Variants in ARHGAP39 observed in about 807,000 individuals in gnomAD.
The protein encoded by ARHGAP39 is Rho GTPase activating protein 39.
Under a neutral mutation model 106.9 loss-of-function variants are expected in ARHGAP39, and 44 were observed. The ratio of observed to expected loss-of-function variants is 0.41; its 90% CI spans 0.32 to 0.53. The LOEUF is 0.53. ARHGAP39 is among the 20% of genes least tolerant of loss of function. The pLI is 0.21. For missense variants in ARHGAP39, 1,496 were observed against 1,577.3 expected, an observed-to-expected ratio of 0.95 and a Z score of 0.87; for synonymous variants, 768 against 693.2, an observed-to-expected ratio of 1.11 and a Z score of -1.69.
At chr8:144,613,041 C>T (rs1356287611) in intron 1 of ARHGAP39, among the ~76,000 whole-genome samples, 1 of 152,136 alleles carries the variant, frequency 6.6e-6, no homozygotes, top group African/African-American at 2.4e-5. Flanking sequence ...TGTTGCTTTG[C>T]TATTTTAGTA....
chr8:144,567,106 G>A (rs1051909451), intron 3 of ARHGAP39, among the ~76,000 whole-genome samples: 4 of 152,150 alleles, frequency 2.6e-5, no homozygotes, highest in East Asian at 1.9e-4. Flanking sequence ...CTGAAGGCAC[G>A]AGCTGTTCCA....
At chr8:144,600,769 G>T (rs561794983) in intron 2 of ARHGAP39, among the ~76,000 whole-genome samples, 1 of 150,992 alleles carries the variant, frequency 6.6e-6, no homozygotes, top group East Asian at 2.0e-4. Context: ...ACCTACCTGC[G>T]TGTGCATGGA....
In ARHGAP39 at chr8:144,549,902, T is replaced by C. The variant is rs567871138; in HGVS notation, c.597-1413A>G. Among the ~76,000 whole-genome samples, 46 of 152,370 alleles carry C rather than the reference T, an allele frequency of 3.0e-4. No individual in the cohort carries two copies. In the East Asian group the frequency reaches 8.1e-3, roughly 27 times the overall value. On this transcript the variant is annotated intron_variant, in intron 4 of 11. Coordinates refer to ENST00000377307, the MANE Select transcript of ARHGAP39 (RefSeq NM_025251.3). The stretch of plus-strand genomic sequence containing the variant: ...AGTTTACTACTTTTCTATTCAGCTA[T>C]GTTTAATCTGCTTTTAAACGCATTG...
At chr8:144,567,236 A>C (rs1818428668) in intron 3 of ARHGAP39, among the ~76,000 whole-genome samples, 5 of 152,246 alleles carry the variant, frequency 3.3e-5, no homozygotes, top group Admixed American at 2.6e-4. Context: ...ATATTATAAT[A>C]ATCCTTGCTC....
rs1182399184 is a variant in ARHGAP39, at chr8:144,542,957, GGGGGGTCTTGCTCTGTTGCCCAGGCT to G, written c.2521+2266_2521+2291del. On this transcript the variant is annotated intron_variant, in intron 6 of 11. Coordinates refer to ENST00000377307, the MANE Select transcript of ARHGAP39 (RefSeq NM_025251.3). ...GCGAGACTCTAACTCCAAAAAAAAA[GGGGGGTCTTGCTCTGTTGCCCAGGCT>G]GGGGGTCTTGCTCTGTTGCCCAGGC... Among the ~76,000 whole-genome samples the G allele has an allele frequency of 7.7e-4, 115 of 150,136 alleles. 2 individuals carry two copies. In the South Asian group the frequency reaches 0.014, roughly 18 times the overall value.
intron 1 of ARHGAP39, among the ~76,000 whole-genome samples, chr8:144,681,683 C>T (rs1485131940): frequency 6.6e-6 from 1 of 152,182 alleles, no homozygotes; most frequent in Non-Finnish European, 1.5e-5. Flanking sequence ...CCCATCCCAG[C>T]AGAGAGGTAG....
chr8:144,551,522 C>A (rs1363694830), intron 4 of ARHGAP39, among the ~76,000 whole-genome samples: 1 of 152,220 alleles, frequency 6.6e-6, no homozygotes, highest in East Asian at 1.9e-4. Context: ...ACACTCTCCC[C>A]AGGCCACGCA....
chr8:144,661,307 G>A (rs950605943), intron 1 of ARHGAP39, among the ~76,000 whole-genome samples: 2 of 152,146 alleles, frequency 1.3e-5, no homozygotes. Flanking sequence ...GCCTCTCCCC[G>A]GCTCCTCTTT....
Position 144,605,673 on chromosome 8 carries a change from G to T in ARHGAP39, c.-59C>A. ...TCAGGGCACCATACGCACAACGCCA[G>T]CATCAGACGGGAAGGTGCCGCACTG... is the stretch of plus-strand genomic sequence containing the variant. On this transcript the variant is annotated 5_prime_UTR_variant, in exon 2 of 12. It adds an upstream start codon to the 5' untranslated region. Coordinates refer to ENST00000377307, the MANE Select transcript of ARHGAP39 (RefSeq NM_025251.3). 1 of 1,556,754 alleles carries T rather than the reference G, an allele frequency of 6.4e-7. No homozygotes were observed. Among genetic ancestry groups the T allele is most frequent in the Non-Finnish European group, 8.8e-7 (1 of 1,135,304 alleles).
rs200472448 is a variant in ARHGAP39, at chr8:144,547,992, G to A, written c.1094C>T (p.Pro365Leu). Residue 365 changes from proline to leucine, a missense_variant, in exon 5 of 12, where the codon CCC becomes CTC. By Grantham distance (98) the Pro-to-Leu change is moderately conservative (BLOSUM62 -3). Coordinates refer to ENST00000377307, the MANE Select transcript of ARHGAP39 (RefSeq NM_025251.3). The surrounding 1 kb of genome is among the most constrained non-coding windows in gnomAD (Gnocchi z 5.2). ...GAGCACCAGCTGCTGGCAGGGCGAG[G>A]GGGGGCCCTGCTTGTTGGGCTGGAG... ...PFLQPNKQGP[P>L]SPCQQLVLTK... 75 of 1,610,142 alleles carry A rather than the reference G, an allele frequency of 4.7e-5. No individual in the cohort carries two copies. Among genetic ancestry groups the A allele is most frequent in the Non-Finnish European group, 6.1e-5 (72 of 1,179,072 alleles).
rs1821307622 is a variant in ARHGAP39 at position 144,641,257 on chromosome 8, G to A, written c.-81-35562C>T. Among the ~76,000 whole-genome samples, 1 of 152,188 alleles carries A rather than the reference G, an allele frequency of 6.6e-6. No homozygotes were observed. Among genetic ancestry groups the A allele is most frequent in the South Asian group, 2.1e-4 (1 of 4,814 alleles). ...GGGGCACCGGTCTCTGGCCCTCAAG[G>A]CACCAGAGGACGGGAAAGGAGAGGC... On this transcript the variant is annotated intron_variant, in intron 1 of 11. Transcript: ENST00000377307. This position sits in a 1 kb window ranked among gnomAD's most constrained non-coding sequence, Gnocchi z 5.2.
At chr8:144,621,940 A>C (rs181158705) in intron 1 of ARHGAP39, among the ~76,000 whole-genome samples, 32 of 152,386 alleles carry the variant, frequency 2.1e-4, no homozygotes, top group African/African-American at 7.2e-4. Context: ...ACTCCTCAGA[A>C]GAGCTGAGTG....
Position 144,537,788 on chromosome 8 carries a change from CAGG to C in ARHGAP39, c.2544_2546del (p.Leu849del). On this transcript the variant is annotated inframe_deletion, in exon 7 of 12. Transcript: ENST00000377307. The stretch of plus-strand genomic sequence containing the variant: ...TGGACTTCTTCTTAGTGTTTCTTTC[CAGG>C]AGCTCTTTTATGTGCTGTGTCACTG... 1 of 1,614,124 alleles carries C rather than the reference CAGG, an allele frequency of 6.2e-7. No individual in the cohort carries two copies.
At position 144,653,583 on chromosome 8, in the gene ARHGAP39, T is replaced by A. The variant is rs117426953; in HGVS notation, c.-82+32103A>T. Reference sequence around the variant, plus strand: ...GCCATCAGAGACTCTGAAACACCCATGCCTCACCCTCTCGGTCTCATCAAA... The same window carrying A: ...GCCATCAGAGACTCTGAAACACCCAAGCCTCACCCTCTCGGTCTCATCAAA... On this transcript the variant is annotated intron_variant, in intron 1 of 11. Transcript: ENST00000377307. 1.2e-4 allele frequency among the ~76,000 whole-genome samples: 19 copies of A among 152,276 alleles called. No homozygotes were observed. The East Asian group carries it at 3.5e-3, about 28-fold the overall frequency.
Position 144,671,603 on chromosome 8 carries a change from T to C in ARHGAP39, c.-82+14083A>G, listed in dbSNP as rs1822102974. On this transcript the variant is annotated intron_variant, in intron 1 of 11. Transcript: ENST00000377307. The surrounding 1 kb of genome is among the most constrained non-coding windows in gnomAD (Gnocchi z 4.5). Reference sequence around the variant, plus strand: ...CACATCCCTCCCGCCTGAGGCTCTTTCTGTGCCTGGTGAATAGCCCAAGGC... The same window carrying C: ...CACATCCCTCCCGCCTGAGGCTCTTCCTGTGCCTGGTGAATAGCCCAAGGC... Among the ~76,000 whole-genome samples the C allele has an allele frequency of 6.6e-6, 1 of 152,226 alleles. No homozygotes were observed. Among genetic ancestry groups the C allele is most frequent in the Non-Finnish European group, 1.5e-5 (1 of 68,040 alleles).
At chr8:144,538,635 C>T (rs1817061436) in intron 6 of ARHGAP39, among the ~76,000 whole-genome samples, 1 of 152,140 alleles carries the variant, frequency 6.6e-6, no homozygotes, top group South Asian at 2.1e-4. Flanking sequence ...CAGCTCACTG[C>T]AACCTCCACC....
intron 1 of ARHGAP39, among the ~76,000 whole-genome samples, chr8:144,618,525 G>A (rs984061885): frequency 2.0e-5 from 3 of 152,268 alleles, no homozygotes; most frequent in Non-Finnish European, 4.4e-5. Flanking sequence ...AGACCTGCCT[G>A]AGGTGGGGGT....
chr8:144,596,077 T>G (rs1819610198), intron 2 of ARHGAP39, among the ~76,000 whole-genome samples: 1 of 152,022 alleles, frequency 6.6e-6, no homozygotes, highest in Non-Finnish European at 1.5e-5. Context: ...CAACTGCACA[T>G]GACACACAAA....
chr8:144,542,005 T>G (rs963953881), intron 6 of ARHGAP39, among the ~76,000 whole-genome samples: 7 of 151,606 alleles, frequency 4.6e-5, no homozygotes, highest in Admixed American at 4.6e-4. Context: ...ATGGCTTCAC[T>G]GCTGTTTTAG....
Sources: allele counts gnomAD v4.1 joint callset (sites outside exome capture counted in the v4.1 genomes callset), GRCh38; gene constraint gnomAD v4.1.1; non-coding constraint Gnocchi (gnomAD v3.1); transcripts MANE v1.5; gene names NCBI Gene and HGNC (gene_info 2026-07-23, HGNC 2026-07-21).